CACNB2: variants seen among roughly 807,000 people sequenced by gnomAD.
The protein encoded by CACNB2 is voltage-dependent L-type calcium channel subunit beta-2.
A neutral mutation model predicts 73.3 loss-of-function variants in CACNB2; 42 were observed. The ratio of observed to expected loss-of-function variants is 0.57; its 90% confidence interval spans 0.45 to 0.74. The LOEUF is 0.74. Among genes scored for constraint, CACNB2 ranks in the 30% least tolerant of loss-of-function variants. The pLI is 0.00. For missense variants in CACNB2, 940 were observed against 853.0 expected, an observed-to-expected ratio of 1.10 and a Z score of -1.27; for synonymous variants, 348 against 310.3, an observed-to-expected ratio of 1.12 and a Z score of -1.28.
intron 3 of CACNB2, among the ~76,000 whole-genome samples, chr10:18,475,623 C>A (rs2048402254): frequency 6.6e-6 from 1 of 152,142 alleles, no homozygotes; most frequent in Admixed American, 6.5e-5. Flanking sequence ...ATTGATCCTC[C>A]CCCTGACCTT....
chr10:18,271,004 C>T (rs1189553089), intron 2 of CACNB2, among the ~76,000 whole-genome samples: 4 of 152,110 alleles, frequency 2.6e-5, no homozygotes, highest in Non-Finnish European at 2.9e-5. Flanking sequence ...GGGGGTAATG[C>T]TCTCAGTCAG....
intron 2 of CACNB2, among the ~76,000 whole-genome samples, chr10:18,179,841 T>G (rs2033786769): frequency 6.6e-6 from 1 of 152,202 alleles, no homozygotes; most frequent in Non-Finnish European, 1.5e-5. Context: ...GTAGTCTAAG[T>G]TGTGAATTTT....
At chr10:18,228,205 C>T (rs924259025) in intron 2 of CACNB2, among the ~76,000 whole-genome samples, 60 of 152,010 alleles carry the variant, frequency 3.9e-4, no homozygotes, top group African/African-American at 1.3e-3. Context: ...GGGTGAATCA[C>T]CTAAGGCCAG....
At chr10:18,445,885 T>G (rs539652019) in intron 3 of CACNB2, among the ~76,000 whole-genome samples, 1 of 152,102 alleles carries the variant, frequency 6.6e-6, no homozygotes, top group South Asian at 2.1e-4. Flanking sequence ...AATACAAAAA[T>G]TAGCTGGGCG....
intron 2 of CACNB2, among the ~76,000 whole-genome samples, chr10:18,279,572 T>C (rs1424382003): frequency 6.6e-6 from 1 of 152,226 alleles, no homozygotes; most frequent in Non-Finnish European, 1.5e-5. Context: ...ACTAAAATGA[T>C]AAATATAGTT....
intron 2 of CACNB2, among the ~76,000 whole-genome samples, chr10:18,399,549 G>A (rs1193317975): frequency 6.6e-6 from 1 of 151,984 alleles, no homozygotes; most frequent in African/African-American, 2.4e-5. Flanking sequence ...AAGGGAGGAG[G>A]AGGGAGGAAG....
At chr10:18,217,354 T>A (rs1340394048) in intron 2 of CACNB2, among the ~76,000 whole-genome samples, 1 of 151,956 alleles carries the variant, frequency 6.6e-6, no homozygotes, top group Non-Finnish European at 1.5e-5. Context: ...CAGAGTGGTG[T>A]GCGCCTATAG....
At chr10:18,348,353 T>C in intron 2 of CACNB2, among the ~76,000 whole-genome samples, 1 of 152,300 alleles carries the variant, frequency 6.6e-6, no homozygotes, top group South Asian at 2.1e-4. Flanking sequence ...AATGTCTCTT[T>C]AAAATGATTT....
At chr10:18,375,048 T>C (rs768116319) in intron 2 of CACNB2, among the ~76,000 whole-genome samples, 1 of 151,990 alleles carries the variant, frequency 6.6e-6, no homozygotes, top group Non-Finnish European at 1.5e-5. Context: ...CAAGACCCCA[T>C]CTCTACAAAA....
intron 3 of CACNB2, among the ~76,000 whole-genome samples, chr10:18,496,982 G>A (rs1272263328): frequency 1.3e-5 from 2 of 150,682 alleles, no homozygotes; most frequent in Admixed American, 6.6e-5. Context: ...AGGCTGAGGC[G>A]GGCAGATCAC....
At chr10:18,149,399 C>G (rs1228708167) in intron 1 of CACNB2, among the ~76,000 whole-genome samples, 1 of 152,136 alleles carries the variant, frequency 6.6e-6, no homozygotes, top group Non-Finnish European at 1.5e-5. Flanking sequence ...GAAAGACCAG[C>G]GTAGCTTTCT....
chr10:18,478,866 G>C (rs551795012), intron 3 of CACNB2, among the ~76,000 whole-genome samples: 126 of 152,218 alleles, frequency 8.3e-4, no homozygotes, highest in African/African-American at 3.0e-3. Context: ...GGTGCCTCTG[G>C]GTCCTGGGCA....
intron 3 of CACNB2, among the ~76,000 whole-genome samples, chr10:18,462,674 A>G (rs2047645622): frequency 1.3e-5 from 2 of 151,958 alleles, no homozygotes; most frequent in South Asian, 4.2e-4. Context: ...TATTTTTAGC[A>G]TCTCTTTTTA....
intron 2 of CACNB2, among the ~76,000 whole-genome samples, chr10:18,241,910 G>A (rs7920645): frequency 0.34 from 51,006 of 151,800 alleles, 9,758 homozygotes; most frequent in Non-Finnish European, 0.42. Flanking sequence ...TAAGTGGATT[G>A]ATCATCTTGG....
chr10:18,499,031 CT>C (rs1184995714), intron 4 of CACNB2, among the ~76,000 whole-genome samples: 1 of 152,206 alleles, frequency 6.6e-6, no homozygotes, highest in Non-Finnish European at 1.5e-5. Context: ...TCTCCACCTT[CT>C]AGTGAGCAAT....
At chr10:18,220,794 G>A (rs1243804784) in intron 2 of CACNB2, among the ~76,000 whole-genome samples, 3 of 152,112 alleles carry the variant, frequency 2.0e-5, no homozygotes, top group African/African-American at 7.2e-5. Context: ...CAGGTTGCGC[G>A]TTCCTTATGG....
intron 3 of CACNB2, among the ~76,000 whole-genome samples, chr10:18,442,306 C>A (rs560703804): frequency 6.6e-6 from 1 of 151,876 alleles, no homozygotes; most frequent in African/African-American, 2.4e-5. Context: ...CCTGCAACCA[C>A]GCCCAGCCAA....
intron 2 of CACNB2, among the ~76,000 whole-genome samples, chr10:18,391,724 C>A (rs555493141): frequency 6.6e-6 from 1 of 151,894 alleles, no homozygotes; most frequent in African/African-American, 2.4e-5. Context: ...TCCAGGAGTT[C>A]GAGACCAGCC....
At chr10:18,296,083 G>A (rs540651823) in intron 2 of CACNB2, among the ~76,000 whole-genome samples, 217 of 131,240 alleles carry the variant, frequency 1.7e-3, no homozygotes, top group Non-Finnish European at 2.7e-3. Flanking sequence ...ATGGCTTTAA[G>A]TTATGACTTT....
Sources: gnomAD v4.1 joint callset for allele counts (sites outside exome capture counted in the v4.1 genomes callset) on GRCh38, gnomAD v4.1.1 for gene constraint, MANE v1.5 for transcripts, NCBI Gene and HGNC (gene_info 2026-07-23, HGNC 2026-07-21) for gene names.